Variants in ZFAND1 observed in about 807,000 individuals in gnomAD.
The protein encoded by ZFAND1 is zinc finger AN1-type containing 1.
ZFAND1 carries 40 observed loss-of-function variants against 38.5 expected under a neutral mutation model. That is an observed-to-expected ratio of 1.04 (90% CI 0.81 to 1.35). The LOEUF is 1.35. ZFAND1 is among the 40% of genes most tolerant of loss of function. The pLI, the probability that ZFAND1 is intolerant of heterozygous loss-of-function variation, is 0.00. For synonymous variants in ZFAND1, 117 were observed against 103.6 expected, an observed-to-expected ratio of 1.13 and a Z score of -0.78; for missense variants, 346 against 316.3, an observed-to-expected ratio of 1.09 and a Z score of -0.71.
Position 81,701,657 on chromosome 8 carries a change from G to T in ZFAND1, c.*1038C>A, listed in dbSNP as rs1271087217. The T allele has an allele frequency of 2.6e-5, 4 of 152,094 alleles. No homozygotes were observed. The highest frequency in any genetic ancestry group is 9.7e-5 in the African/African-American group (4 of 41,416). The allele number at this position is 152,094 out of a possible 1,614,324, so 9.4% of individuals were successfully genotyped here. On this transcript the variant is annotated 3_prime_UTR_variant, in exon 8 of 8. Transcript: ENST00000220669. ...ATGAAAGTACAAGAACATAATAAAA[G>T]TTGGAAATTATCTCCATTCCTCACA...
At chr8:81,715,199 TTA>T in intron 3 of ZFAND1, 85 bp from the exon 4 acceptor site, 46 of 1,461,516 alleles carry the variant, frequency 3.1e-5, no homozygotes, top group Non-Finnish European at 3.7e-5. Flanking sequence ...AGTATTCATT[TTA>T]TTTTTGCTTA....
chr8:81,705,070 T>C (rs1296075753), intron 6 of ZFAND1, among the ~76,000 whole-genome samples: 1 of 152,002 alleles, frequency 6.6e-6, no homozygotes, highest in African/African-American at 2.4e-5. Context: ...GGTCAGCTTA[T>C]AGGTAAGTGG....
intron 6 of ZFAND1, among the ~76,000 whole-genome samples, chr8:81,711,136 G>A (rs1373434394): frequency 3.9e-5 from 6 of 152,130 alleles, no homozygotes; most frequent in Non-Finnish European, 7.4e-5. Context: ...ACAAACTGCC[G>A]GGCATGGTGG....
intron 5 of ZFAND1, chr8:81,714,312 C>T (rs1808234630): frequency 6.4e-6 from 2 of 313,066 alleles, no homozygotes; most frequent in Non-Finnish European, 1.2e-5. Context: ...ATTAATGCTT[C>T]TACAGACAAC....
Position 81,714,413 on chromosome 8 carries a change from T to C in ZFAND1, c.359-374A>G, listed in dbSNP as rs147245194. ...GCTAACATACTGGCAGGCAGACTGA[T>C]TTAAGTCACAGATACATTCATTCCT... On this transcript the variant is annotated intron_variant, in intron 5 of 7. Coordinates refer to ENST00000220669, the MANE Select transcript of ZFAND1 (RefSeq NM_024699.3). The C allele has an allele frequency of 4.7e-4, 116 of 247,682 alleles. 3 individuals carry two copies. The East Asian group carries it at 0.01, about 22-fold the overall frequency. The allele number at this position is 247,682 out of a possible 1,614,324, so 15.3% of individuals were successfully genotyped here.
intron 6 of ZFAND1, among the ~76,000 whole-genome samples, chr8:81,708,399 T>A (rs573807493): frequency 6.6e-6 from 1 of 151,986 alleles, no homozygotes; most frequent in Non-Finnish European, 1.5e-5. Context: ...ATAAGTAATA[T>A]CAATACACTG....
intron 1 of ZFAND1, among the ~76,000 whole-genome samples, chr8:81,720,217 T>C (rs2130445396): frequency 6.6e-6 from 1 of 152,308 alleles, no homozygotes; most frequent in African/African-American, 2.4e-5. Context: ...GTCTGTGTGG[T>C]TCTAATGCTT....
At chr8:81,704,865 C>T (rs888447352) in intron 6 of ZFAND1, among the ~76,000 whole-genome samples, 2 of 151,914 alleles carry the variant, frequency 1.3e-5, no homozygotes, top group African/African-American at 4.8e-5. Context: ...CTGTGAGCCA[C>T]CTCTATAATC....
intron 6 of ZFAND1, among the ~76,000 whole-genome samples, chr8:81,713,078 C>A (rs1485159201): frequency 6.6e-6 from 1 of 152,054 alleles, no homozygotes; most frequent in Non-Finnish European, 1.5e-5. Flanking sequence ...GGAAAATCAA[C>A]CTGATAGGTT....
At position 81,718,166 on chromosome 8, in the gene ZFAND1, TA is replaced by T; in HGVS notation, c.98+15del. ...ACTAAAATTACTCCCAAATCCTGCATAAAAACTTAACTTACCAAAATATTCC... is the reference window on the plus strand; with the variant it reads ...ACTAAAATTACTCCCAAATCCTGCATAAAACTTAACTTACCAAAATATTCC... On this transcript the variant is annotated intron_variant, in intron 2 of 7. Transcript: ENST00000220669. 1.3e-6 allele frequency: 2 copies of T among 1,572,280 alleles called. No homozygotes were observed. Among genetic ancestry groups the T allele is most frequent in the Non-Finnish European group, 1.7e-6 (2 of 1,157,952 alleles).
intron 6 of ZFAND1, chr8:81,708,724 G>C (rs1409987176): frequency 9.1e-7 from 1 of 1,102,164 alleles, no homozygotes; most frequent in Non-Finnish European, 1.1e-6. Flanking sequence ...TGGAGAAAAA[G>C]GGTACTCTCA....
chr8:81,717,640 T>C (rs1161904969), intron 2 of ZFAND1, among the ~76,000 whole-genome samples: 1 of 152,126 alleles, frequency 6.6e-6, no homozygotes, highest in Non-Finnish European at 1.5e-5. Flanking sequence ...AAAATATACA[T>C]TACTTTTATT....
chr8:81,702,911 G>A, intron 7 of ZFAND1, 46 bp from the exon 8 acceptor site: 1 of 1,536,068 alleles, frequency 6.5e-7, no homozygotes, highest in Non-Finnish European at 8.7e-7. Flanking sequence ...AAACATGCTT[G>A]AATGGAGCAT....
At chr8:81,706,122 C>A (rs1807972294) in intron 6 of ZFAND1, among the ~76,000 whole-genome samples, 1 of 151,850 alleles carries the variant, frequency 6.6e-6, no homozygotes, top group Non-Finnish European at 1.5e-5. Context: ...CACAAGAAAT[C>A]TTAAAAGCTA....
At chr8:81,713,268 G>A (rs1395223338) in intron 6 of ZFAND1, among the ~76,000 whole-genome samples, 9 of 151,428 alleles carry the variant, frequency 5.9e-5, no homozygotes, top group Admixed American at 1.3e-4. Flanking sequence ...GACTACAGGC[G>A]CCCACCACCA....
At chr8:81,712,423 A>T (rs183769935) in intron 6 of ZFAND1, among the ~76,000 whole-genome samples, 3 of 152,106 alleles carry the variant, frequency 2.0e-5, no homozygotes, top group Admixed American at 6.5e-5. Flanking sequence ...GAGAAGAGAA[A>T]ATCTGCAGAA....
chr8:81,718,717 CATAT>C (rs143583533), intron 1 of ZFAND1, among the ~76,000 whole-genome samples: 3 of 146,016 alleles, frequency 2.1e-5, no homozygotes, highest in Admixed American at 6.9e-5. Flanking sequence ...GTGTGAACAA[CATAT>C]ATATATATAT....
chr8:81,704,670 A>G (rs1807920755), intron 6 of ZFAND1, among the ~76,000 whole-genome samples: 1 of 152,136 alleles, frequency 6.6e-6, no homozygotes, highest in African/African-American at 2.4e-5. Flanking sequence ...TAAAACAAAA[A>G]TTTTGGCATA....
At chr8:81,716,041 A>G (rs1368671583) in intron 3 of ZFAND1, among the ~76,000 whole-genome samples, 1 of 152,254 alleles carries the variant, frequency 6.6e-6, no homozygotes, top group Non-Finnish European at 1.5e-5. Context: ...ATTTTCCTCA[A>G]ATAGATCACG....
Sources: allele counts gnomAD v4.1 joint callset (sites outside exome capture counted in the v4.1 genomes callset), GRCh38; gene constraint gnomAD v4.1.1; transcripts MANE v1.5; gene names NCBI Gene and HGNC (gene_info 2026-07-23, HGNC 2026-07-21).